Variants in CCT6B observed in about 807,000 individuals in gnomAD.
CCT6B encodes chaperonin containing TCP1 subunit 6B, also known as probable T-complex protein 1 subunit zeta-2.
Under a neutral mutation model 61.5 loss-of-function variants are expected in CCT6B, and 49 were observed. The ratio of observed to expected loss-of-function variants is 0.80; its 90% CI spans 0.63 to 1.01. The LOEUF is 1.01. Ranked by LOEUF, CCT6B falls within the 50% of genes least tolerant of loss-of-function variation. The pLI is 0.00. For missense variants in CCT6B, 666 were observed against 634.7 expected, an observed-to-expected ratio of 1.05 and a Z score of -0.53; for synonymous variants, 228 against 214.5, an observed-to-expected ratio of 1.06 and a Z score of -0.55.
intron 5 of CCT6B, among the ~76,000 whole-genome samples, chr17:34,946,294 T>C (rs2090222986): frequency 1.3e-5 from 2 of 152,170 alleles, no homozygotes; most frequent in Non-Finnish European, 2.9e-5. Context: ...GAATGGCACA[T>C]ATGAACACAA....
chr17:34,942,410 G>C (rs1474925398), intron 7 of CCT6B, 74 bp downstream of exon 7: 4 of 1,155,986 alleles, frequency 3.5e-6, no homozygotes, highest in Non-Finnish European at 4.9e-6. Context: ...GGATTCTTAG[G>C]GGTCCACAGA....
chr17:34,937,514 T>C (rs1567664763), intron 10 of CCT6B, among the ~76,000 whole-genome samples: 1 of 152,170 alleles, frequency 6.6e-6, no homozygotes, highest in Non-Finnish European at 1.5e-5. Context: ...ATCTGATACC[T>C]TTATATGAAA....
intron 7 of CCT6B, 72 bp from the exon 8 acceptor site, chr17:34,940,693 A>G: frequency 1.4e-6 from 1 of 714,954 alleles, no homozygotes; most frequent in Non-Finnish European, 2.3e-6. Flanking sequence ...TGGTCTCAGC[A>G]CCACTTTACT....
Position 34,928,965 on chromosome 17 carries a change from G to A in CCT6B, c.1520C>T (p.Ser507Phe). Residue 507 changes from serine (S) to phenylalanine (F), a missense_variant, in exon 13 of 14, where the codon TCT (serine) becomes TTT (phenylalanine). By Grantham distance (155) the Ser-to-Phe change is radical. Coordinates refer to ENST00000314144, the MANE Select transcript of CCT6B (RefSeq NM_006584.4). ...NYCVKKQLLH[S>F]CTVIATNILL... ...CTTTATGTTCATATGAACTTACCAA[G>A]AGTGAAGAAGTTGTTTTTTTACACA... 6.5e-7 allele frequency: 1 copy of A among 1,550,230 alleles called. No individual in the cohort carries two copies. Among genetic ancestry groups the A allele is most frequent in the Non-Finnish European group, 8.9e-7 (1 of 1,123,092 alleles).
In CCT6B at chr17:34,958,568, T is replaced by G. The variant is rs1451086727; in HGVS notation, c.328A>C (p.Ile110Leu). 2.0e-6 allele frequency: 3 copies of G among 1,531,946 alleles called. No homozygotes were observed. The highest frequency in any genetic ancestry group is 1.7e-4 in the Middle Eastern group (1 of 5,764). The allele number at this position is 1,531,946 out of a possible 1,614,324, so 94.9% of individuals were successfully genotyped here. A position where few individuals can be genotyped will look rare whatever the true frequency, so the allele number is the denominator to read the frequency against. ...CTGTGAAATTCTAATACCTCAGAAA[T>G]GTACAGGTCAGCTTGTTTTAATAAC... ...GELLKQADLY[I>L]SEGLHPRIIA... The change falls in exon 3 of 14, where the codon ATT becomes CTT. Residue 110 changes from isoleucine to leucine, a missense_variant. By Grantham distance (5) the Ile-to-Leu change is conservative. Transcript: ENST00000314144.
At chr17:34,952,709 C>T (rs1463319173) in intron 4 of CCT6B, among the ~76,000 whole-genome samples, 1 of 152,054 alleles carries the variant, frequency 6.6e-6, no homozygotes, top group African/African-American at 2.4e-5. Flanking sequence ...TATTGCTTAG[C>T]TCAGAAAATG....
In CCT6B at chr17:34,952,018, T is replaced by C. The variant is rs777882891; in HGVS notation, c.546A>G (p.Pro182=). Residue 182 remains proline (P), a synonymous_variant, in exon 5 of 14, where the codon CCA becomes CCG. Transcript: ENST00000314144. ...VVDSVLAVRR[P]GYPIDLFMVE... is the part of the protein sequence containing the mutation. ...CCATGAAGAGATCAATAGGGTAACC[T>C]GGTCTTCTAACAGCCAAAACAGAAT... 6 of 1,610,074 alleles carry C rather than the reference T, an allele frequency of 3.7e-6. No individual in the cohort carries two copies. The Admixed American group carries it at 8.4e-5, about 22-fold the overall frequency.
At position 34,957,834 on chromosome 17, in the gene CCT6B, T is replaced by C. The variant is rs76893648; in HGVS notation, c.336+726A>G. On this transcript the variant is annotated intron_variant, in intron 3 of 13. Coordinates refer to ENST00000314144, the MANE Select transcript of CCT6B (RefSeq NM_006584.4). Reference sequence around the variant, plus strand: ...TGTACATGATGTTTTCAGAGGCCAGTGAACGGAGGAGTCTGGCTGAAGTAG... The same window carrying C: ...TGTACATGATGTTTTCAGAGGCCAGCGAACGGAGGAGTCTGGCTGAAGTAG... Among the ~76,000 whole-genome samples the C allele has an allele frequency of 6.6e-3, 1,008 of 152,278 alleles. 9 individuals are homozygous for C. The highest frequency in any genetic ancestry group is 0.01 in the Non-Finnish European group (693 of 68,012).
At chr17:34,937,375 T>C (rs1008803647) in intron 10 of CCT6B, among the ~76,000 whole-genome samples, 3 of 151,864 alleles carry the variant, frequency 2.0e-5, no homozygotes, top group Admixed American at 2.0e-4. Flanking sequence ...AATAGACAAA[T>C]GCATCAGTAG....
chr17:34,944,681 C>T (rs555447846), intron 5 of CCT6B, among the ~76,000 whole-genome samples: 6 of 152,376 alleles, frequency 3.9e-5, no homozygotes, highest in African/African-American at 1.4e-4. Context: ...AATCCCAGCA[C>T]TTTGGGAGGC....
At chr17:34,929,760 T>C (rs2090014378) in intron 12 of CCT6B, among the ~76,000 whole-genome samples, 1 of 152,156 alleles carries the variant, frequency 6.6e-6, no homozygotes, top group African/African-American at 2.4e-5. Flanking sequence ...GTGATTCACC[T>C]ACCTTGGCCT....
chr17:34,928,647 T>C (rs2089996538), intron 13 of CCT6B, among the ~76,000 whole-genome samples: 1 of 152,218 alleles, frequency 6.6e-6, no homozygotes, highest in Admixed American at 6.5e-5. Flanking sequence ...TTCAGCAAAA[T>C]TGAGCTTATT....
chr17:34,951,344 T>G (rs2090289728), intron 5 of CCT6B, among the ~76,000 whole-genome samples: 1 of 152,190 alleles, frequency 6.6e-6, no homozygotes, highest in South Asian at 2.1e-4. Context: ...TGCTTCAAAA[T>G]AATCCTAGGT....
intron 10 of CCT6B, among the ~76,000 whole-genome samples, chr17:34,938,805 A>T (rs892017275): frequency 6.6e-6 from 1 of 152,176 alleles, no homozygotes; most frequent in African/African-American, 2.4e-5. Context: ...CTTAAAGGCC[A>T]GGCATGGTGG....
chr17:34,936,845 C>T (rs1456375522), intron 10 of CCT6B, among the ~76,000 whole-genome samples: 1 of 152,014 alleles, frequency 6.6e-6, no homozygotes, highest in Non-Finnish European at 1.5e-5. Context: ...CCAAATTGGT[C>T]TACAGATTTA....
At chr17:34,952,681 G>A (rs2090304953) in intron 4 of CCT6B, among the ~76,000 whole-genome samples, 1 of 152,092 alleles carries the variant, frequency 6.6e-6, no homozygotes. Context: ...AATTTAAGAA[G>A]CATAGCACAA....
chr17:34,958,595 C>T lies in CCT6B; in HGVS notation c.301G>A (p.Glu101Lys), dbSNP rs768880171. The part of the protein sequence containing the change: ...GTTSNVLIIG[E>K]LLKQADLYIS... ...TACAGGTCAGCTTGTTTTAATAACT[C>T]TCCAATAATTAGAACATTTGAAGTA... Residue 101 changes from glutamate (E) to lysine (K), a missense_variant, in exon 3 of 14, where the codon GAG (glutamate) becomes AAG (lysine). Glu to Lys is a moderately conservative substitution (Grantham distance 56, BLOSUM62 1). Transcript: ENST00000314144. The T allele has an allele frequency of 8.8e-6, 14 of 1,589,720 alleles. No individual in the cohort carries two copies. The highest frequency in any genetic ancestry group is 5.1e-6 in the Non-Finnish European group (6 of 1,166,412).
At chr17:34,938,129 AT>A (rs1353888294) in intron 10 of CCT6B, among the ~76,000 whole-genome samples, 2 of 151,992 alleles carry the variant, frequency 1.3e-5, no homozygotes, top group African/African-American at 4.8e-5. Context: ...GGCTCAAGCA[AT>A]CCTCCCATCT....
chr17:34,936,085 A>G (rs554034631), intron 10 of CCT6B, among the ~76,000 whole-genome samples: 4 of 152,032 alleles, frequency 2.6e-5, no homozygotes, highest in Non-Finnish European at 5.9e-5. Flanking sequence ...CGAGAAGCTG[A>G]GATTGCAGGT....
Sources: allele counts gnomAD v4.1 joint callset (sites outside exome capture counted in the v4.1 genomes callset), GRCh38; gene constraint gnomAD v4.1.1; transcripts MANE v1.5; gene names NCBI Gene and HGNC (gene_info 2026-07-23, HGNC 2026-07-21).